Variants in STRN observed in about 807,000 individuals in gnomAD.
The protein encoded by STRN is striatin, also known as protein phosphatase 2 regulatory subunit B'''alpha.
A neutral mutation model predicts 96.3 loss-of-function variants in STRN; 53 were observed. The ratio of observed to expected loss-of-function variants is 0.55; its 90% CI spans 0.44 to 0.69. STRN has a LOEUF of 0.69. Among genes scored for constraint, STRN ranks in the 30% least tolerant of loss-of-function variants. STRN has a pLI of 0.00. For synonymous variants in STRN, 428 were observed against 355.9 expected, an observed-to-expected ratio of 1.20 and a Z score of -2.28; for missense variants, 987 against 963.9, an observed-to-expected ratio of 1.02 and a Z score of -0.32.
chr2:36,935,439 CA>C (rs1157895533), intron 1 of STRN, among the ~76,000 whole-genome samples: 1 of 152,120 alleles, frequency 6.6e-6, no homozygotes, highest in East Asian at 1.9e-4. Flanking sequence ...CGTACTCTAC[CA>C]AACACCTTCT....
intron 1 of STRN, among the ~76,000 whole-genome samples, chr2:36,950,012 C>T (rs943763644): frequency 1.3e-5 from 2 of 151,260 alleles, no homozygotes; most frequent in Non-Finnish European, 2.9e-5. Context: ...AATGAGTAAC[C>T]AAAAGCAGAA....
chr2:36,849,348 C>T lies in STRN; in HGVS notation c.*108G>A. The T allele has an allele frequency of 1.6e-6, 2 of 1,286,448 alleles. No individual in the cohort carries two copies. Among genetic ancestry groups the T allele is most frequent in the Admixed American group, 4.5e-5 (2 of 44,468 alleles). 79.7% of individuals were successfully genotyped at this position (1,286,448 alleles called of 1,614,324 possible). On this transcript the variant is annotated 3_prime_UTR_variant, in exon 18 of 18. Coordinates refer to ENST00000263918, the MANE Select transcript of STRN (RefSeq NM_003162.4). ...TCAACAAATGTTCTCTGTGCTCCTT[C>T]AGCAGAACAAAAGGGCAGGACGAGA...
chr2:36,913,441 C>T (rs956431044), intron 3 of STRN, among the ~76,000 whole-genome samples: 8 of 152,160 alleles, frequency 5.3e-5, no homozygotes, highest in African/African-American at 1.9e-4. Context: ...AACAAATAGT[C>T]AGTTTACTTG....
At chr2:36,910,821 C>T (rs915540224) in intron 3 of STRN, among the ~76,000 whole-genome samples, 6 of 151,990 alleles carry the variant, frequency 3.9e-5, no homozygotes, top group African/African-American at 1.5e-4. Flanking sequence ...TAAATAACTA[C>T]CTGGCTTCTA....
At chr2:36,947,569 T>TTATATATATA (rs951432929) in intron 1 of STRN, among the ~76,000 whole-genome samples, 2 of 145,772 alleles carry the variant, frequency 1.4e-5, no homozygotes, top group African/African-American at 5.0e-5. Context: ...TACATATATA[T>TTATATATATA]TATATATATA....
chr2:36,962,880 T>G (rs1020652529), intron 1 of STRN, among the ~76,000 whole-genome samples: 2 of 152,232 alleles, frequency 1.3e-5, no homozygotes, highest in Non-Finnish European at 2.9e-5. Flanking sequence ...ACAAGTTATA[T>G]CGTACTAATA....
chr2:36,923,802 G>C (rs536175870), intron 2 of STRN, among the ~76,000 whole-genome samples: 10 of 151,792 alleles, frequency 6.6e-5, no homozygotes, highest in Non-Finnish European at 1.2e-4. Context: ...TAGCAAAATA[G>C]ATAATTCCAA....
At chr2:36,962,433 A>C (rs1665050295) in intron 1 of STRN, among the ~76,000 whole-genome samples, 1 of 151,880 alleles carries the variant, frequency 6.6e-6, no homozygotes, top group African/African-American at 2.4e-5. Flanking sequence ...TAAGTCAGTA[A>C]TTTTCAAATA....
intron 2 of STRN, among the ~76,000 whole-genome samples, chr2:36,920,985 G>A (rs1158254114): frequency 6.6e-6 from 1 of 151,536 alleles, no homozygotes; most frequent in South Asian, 2.1e-4. Flanking sequence ...TGAGGCAAGA[G>A]AATGGCTTGA....
In STRN at chr2:36,847,475, A is replaced by C. The variant is rs972930182; in HGVS notation, c.*1981T>G. On this transcript the variant is annotated 3_prime_UTR_variant, in exon 18 of 18. Coordinates refer to ENST00000263918, the MANE Select transcript of STRN (RefSeq NM_003162.4). Reference sequence around the variant, plus strand: ...TTCTTCACTGTGAAGAACCAAAAGAAATTTACTGAACACAATATGGAATTC... The same window carrying C: ...TTCTTCACTGTGAAGAACCAAAAGACATTTACTGAACACAATATGGAATTC... The C allele has an allele frequency of 1.3e-5, 2 of 152,118 alleles. No homozygotes were observed. The highest frequency in any genetic ancestry group is 2.9e-5 in the Non-Finnish European group (2 of 68,008). The allele number at this position is 152,118 out of a possible 1,614,324, so 9.4% of individuals were successfully genotyped here.
chr2:36,910,158 A>T (rs1439837311), intron 3 of STRN, among the ~76,000 whole-genome samples: 1 of 145,170 alleles, frequency 6.9e-6, no homozygotes, highest in Non-Finnish European at 1.5e-5. Context: ...GGGGGACAAG[A>T]GCGAGACTTT....
intron 2 of STRN, among the ~76,000 whole-genome samples, chr2:36,923,858 T>C (rs983633489): frequency 1.3e-5 from 2 of 152,108 alleles, no homozygotes; most frequent in African/African-American, 4.8e-5. Flanking sequence ...TGAACTCAGA[T>C]TGTCGACAAA....
At chr2:36,958,677 C>T (rs987622144) in intron 1 of STRN, among the ~76,000 whole-genome samples, 1 of 151,878 alleles carries the variant, frequency 6.6e-6, no homozygotes, top group African/African-American at 2.4e-5. Flanking sequence ...ATGGAGAAGC[C>T]CTAAGATCAT....
At chr2:36,858,186 G>C (rs553144573) in intron 13 of STRN, among the ~76,000 whole-genome samples, 163 bp from the exon 14 acceptor site, 1 of 151,982 alleles carries the variant, frequency 6.6e-6, no homozygotes, top group African/African-American at 2.4e-5. Context: ...ATCAAAACAA[G>C]CTTGGAAATA....
chr2:36,926,047 A>G (rs931285814), intron 1 of STRN, among the ~76,000 whole-genome samples: 4 of 152,196 alleles, frequency 2.6e-5, no homozygotes, highest in Non-Finnish European at 4.4e-5. Context: ...CCACCTTGAC[A>G]TGTAATCCAT....
intron 10 of STRN, among the ~76,000 whole-genome samples, chr2:36,874,400 C>T (rs1039751424): frequency 6.6e-6 from 1 of 151,482 alleles, no homozygotes; most frequent in Non-Finnish European, 1.5e-5. Flanking sequence ...ACAGAGGTCA[C>T]AGGAAGAAGA....
At chr2:36,916,227 G>C in intron 2 of STRN, 76 bp from the exon 3 acceptor site, 1 of 1,228,078 alleles carries the variant, frequency 8.1e-7, no homozygotes, top group Non-Finnish European at 1.2e-6. Context: ...GTAGTCACAA[G>C]AATTCAGTAG....
intron 2 of STRN, among the ~76,000 whole-genome samples, chr2:36,920,437 G>A (rs557642913): frequency 8.6e-4 from 130 of 152,002 alleles, no homozygotes; most frequent in African/African-American, 3.0e-3. Context: ...TTGGGAGTTC[G>A]AAACCAGTCT....
intron 1 of STRN, among the ~76,000 whole-genome samples, chr2:36,947,678 G>C (rs1228233932): frequency 6.6e-6 from 1 of 151,344 alleles, no homozygotes; most frequent in African/African-American, 2.4e-5. Context: ...CCAAGTGGGA[G>C]TTGGGAAATT....
Sources: allele counts gnomAD v4.1 joint callset (sites outside exome capture counted in the v4.1 genomes callset), GRCh38; gene constraint gnomAD v4.1.1; transcripts MANE v1.5; gene names NCBI Gene and HGNC (gene_info 2026-07-23, HGNC 2026-07-21).